Variants in BRD10 observed in about 807,000 individuals in gnomAD.
The protein encoded by BRD10 is bromodomain containing 10.
chr9:5,963,994 G>C, the BRD10 span, among the ~76,000 whole-genome samples: 1 of 151,906 alleles, frequency 6.6e-6, no homozygotes, highest in Non-Finnish European at 1.5e-5. Flanking sequence ...CATAGGCATG[G>C]GCAAGGACTT....
At chr9:5,982,881 AT>A in the BRD10 span, among the ~76,000 whole-genome samples, 1 of 152,328 alleles carries the variant, frequency 6.6e-6, no homozygotes, top group African/African-American at 2.4e-5. Flanking sequence ...TTGTGAGATA[AT>A]TCCAAAAAGA....
chr9:5,959,026 A>C, the BRD10 span, among the ~76,000 whole-genome samples: 1 of 152,198 alleles, frequency 6.6e-6, no homozygotes, highest in African/African-American at 2.4e-5. Context: ...ATTTCTTATC[A>C]TACTGGTAAT....
the BRD10 span, among the ~76,000 whole-genome samples, chr9:6,001,195 C>T: frequency 2.0e-5 from 3 of 152,130 alleles, no homozygotes; most frequent in Admixed American, 2.0e-4. Flanking sequence ...CCTTTCTATT[C>T]CTACTGTTTA....
At chr9:5,957,518 G>C in the BRD10 span, among the ~76,000 whole-genome samples, 28 of 152,102 alleles carry the variant, frequency 1.8e-4, no homozygotes, top group African/African-American at 6.5e-4. Flanking sequence ...GAAACTGATG[G>C]AGGAGCTGTA....
the BRD10 span, among the ~76,000 whole-genome samples, chr9:5,961,105 CATCA>C: frequency 1.3e-5 from 2 of 152,276 alleles, no homozygotes; most frequent in East Asian, 3.9e-4. Flanking sequence ...CCACACAATG[CATCA>C]ATCAATCTGC....
the BRD10 span, among the ~76,000 whole-genome samples, chr9:5,946,568 A>C: frequency 1.3e-5 from 2 of 152,112 alleles, no homozygotes; most frequent in Non-Finnish European, 2.9e-5. Context: ...AGTGAGGACT[A>C]AACTTTTCAT....
chr9:5,988,764 A>G, the BRD10 span, among the ~76,000 whole-genome samples: 2 of 152,190 alleles, frequency 1.3e-5, no homozygotes, highest in Non-Finnish European at 2.9e-5. Flanking sequence ...TAAAAAAAAA[A>G]ATCTGAGACT....
the BRD10 span, among the ~76,000 whole-genome samples, chr9:5,951,082 A>T: frequency 7.0e-6 from 1 of 143,126 alleles, no homozygotes; most frequent in South Asian, 2.3e-4. Flanking sequence ...ACACACCCCC[A>T]CCCCACCCTG....
chr9:5,904,771 C>T, the BRD10 span, among the ~76,000 whole-genome samples: 1 of 147,046 alleles, frequency 6.8e-6, no homozygotes, highest in Non-Finnish European at 1.5e-5. Flanking sequence ...AGTCCAGTTA[C>T]ACTTCTTTTT....
the BRD10 span, among the ~76,000 whole-genome samples, chr9:5,901,213 C>A: frequency 6.6e-6 from 1 of 151,886 alleles, no homozygotes; most frequent in Admixed American, 6.6e-5. Context: ...CTTTTATATC[C>A]TTTTCCAGTT....
the BRD10 span, among the ~76,000 whole-genome samples, chr9:5,891,858 AG>A: frequency 6.6e-6 from 1 of 152,212 alleles, no homozygotes; most frequent in South Asian, 2.1e-4. Flanking sequence ...GACAGGCTGA[AG>A]CCCCTGTGTG....
chr9:6,007,183 G>A, the BRD10 span: 5 of 1,607,910 alleles, frequency 3.1e-6, no homozygotes, highest in Middle Eastern at 1.7e-4. Flanking sequence ...ACCGGGGACC[G>A]GGCTCGCTTA....
chr9:5,930,390 T>TATATATATATATATATAC, the BRD10 span, among the ~76,000 whole-genome samples: 2 of 149,036 alleles, frequency 1.3e-5, no homozygotes, highest in Non-Finnish European at 3.0e-5. Flanking sequence ...TATATATATA[T>TATATATATATATATATAC]ATATGACCTT....
the BRD10 span, chr9:5,919,858 C>A: frequency 6.2e-7 from 1 of 1,613,906 alleles, no homozygotes; most frequent in East Asian, 2.2e-5. Flanking sequence ...GGCTAACCAA[C>A]AATTTTTTGA....
chr9:5,999,439 A>G, the BRD10 span, among the ~76,000 whole-genome samples: 5 of 152,186 alleles, frequency 3.3e-5, no homozygotes, highest in African/African-American at 1.2e-4. Flanking sequence ...TCGGAAGTCA[A>G]GAATAAGCAA....
chr9:5,899,073 G>A, the BRD10 span: 2 of 152,322 alleles, frequency 1.3e-5, no homozygotes, highest in South Asian at 4.1e-4. Flanking sequence ...CTTAAAGCCA[G>A]GTAGCACTTC....
the BRD10 span, chr9:5,988,263 C>G: frequency 4.2e-5 from 39 of 931,012 alleles, no homozygotes; most frequent in East Asian, 8.9e-4. Flanking sequence ...TTTTAGAACA[C>G]TACTAAAATG....
the BRD10 span, among the ~76,000 whole-genome samples, chr9:5,918,406 G>A: frequency 6.6e-6 from 1 of 152,092 alleles, no homozygotes; most frequent in Non-Finnish European, 1.5e-5. Flanking sequence ...AAATATAAAA[G>A]CTACCTTTTA....
At chr9:6,005,297 G>A in the BRD10 span, among the ~76,000 whole-genome samples, 8 of 152,162 alleles carry the variant, frequency 5.3e-5, no homozygotes, top group African/African-American at 1.9e-4. Context: ...GATCACCTGA[G>A]GTCAGGAGCT....
Sources: gnomAD v4.1 joint callset for allele counts (sites outside exome capture counted in the v4.1 genomes callset) on GRCh38, gnomAD v4.1.1 for gene constraint, MANE v1.5 for transcripts, NCBI Gene and HGNC (gene_info 2026-07-23, HGNC 2026-07-21) for gene names.